BRWD3: variants seen among roughly 807,000 people sequenced by gnomAD.
BRWD3 encodes the protein bromodomain and WD repeat domain containing 3.
Under a neutral mutation model 149.7 loss-of-function variants are expected in BRWD3, and 10 were observed. The ratio of observed to expected loss-of-function variants is 0.07; its 90% CI spans 0.04 to 0.11. The LOEUF (loss-of-function observed/expected upper bound fraction) is 0.11. Among genes scored for constraint, BRWD3 ranks in the 10% least tolerant of loss-of-function variants. The pLI is 1.00. For synonymous variants in BRWD3, 504 were observed against 456.7 expected (o/e 1.10, Z -1.32); for missense variants, 940 against 1,373.2 (o/e 0.68, Z 4.99).
At chrX:80,804,538 C>CTGATA (rs1312247819) in intron 4 of BRWD3, among the ~76,000 whole-genome samples, 1 of 111,680 alleles carries the variant, frequency 9.0e-6, no homozygotes, top group East Asian at 2.8e-4. Flanking sequence ...ACACCAGGCC[C>CTGATA]TGGTTCAGTC....
chrX:80,770,381 C>T (rs1156521693), intron 6 of BRWD3, among the ~76,000 whole-genome samples: 1 of 111,765 alleles, frequency 8.9e-6, no homozygotes, highest in African/African-American at 3.3e-5. Flanking sequence ...AATCCAGCAG[C>T]ACTTCAAAAA....
chrX:80,713,434 A>G (rs746031646), intron 20 of BRWD3, among the ~76,000 whole-genome samples: 1,728 of 111,307 alleles, frequency 0.016, 18 homozygotes, highest in Non-Finnish European at 0.026. Context: ...GTCCACTCAG[A>G]GTTAAATGGA....
rs1225436146 is a variant in BRWD3, at chrX:80,761,731, G to GTC, written c.431-16004_431-16003dup. Among the ~76,000 whole-genome samples the GTC allele has an allele frequency of 2.7e-5, 3 of 111,375 alleles. No homozygotes were observed. In the East Asian group the frequency reaches 8.4e-4, roughly 31 times the overall value. ...AATTAGATTTCTTAGGTATTTAAGA[G>GTC]TCTTCCTTGTCTATTTGTCAATCTG... On this transcript the variant is annotated intron_variant, in intron 6 of 40. Coordinates refer to ENST00000373275, the MANE Select transcript of BRWD3 (RefSeq NM_153252.5).
chrX:80,789,384 T>C (rs1403278718), intron 6 of BRWD3, among the ~76,000 whole-genome samples: 2 of 111,255 alleles, frequency 1.8e-5, no homozygotes, highest in African/African-American at 6.6e-5. Context: ...ATTTTTTTTT[T>C]CTTTTTTTTG....
chrX:80,709,313 T>C, intron 21 of BRWD3, 115 bp downstream of exon 21: 1 of 556,419 alleles, frequency 1.8e-6, no homozygotes, highest in Non-Finnish European at 2.7e-6. Context: ...ACAAATCTCT[T>C]ATAAGAATAT....
chrX:80,752,568 T>A (rs1224532065), intron 6 of BRWD3, among the ~76,000 whole-genome samples: 1 of 112,289 alleles, frequency 8.9e-6, no homozygotes, highest in Non-Finnish European at 1.9e-5. Flanking sequence ...AATGTTTTTT[T>A]AAAATATATA....
chrX:80,787,714 T>G (rs1463403839), intron 6 of BRWD3, among the ~76,000 whole-genome samples: 1 of 111,896 alleles, frequency 8.9e-6, no homozygotes, highest in Non-Finnish European at 1.9e-5. Flanking sequence ...TAGGCAAAGA[T>G]TTATTCAAAC....
At chrX:80,716,352 T>C (rs994982256) in intron 19 of BRWD3, 102 bp from the exon 20 acceptor site, 1 of 670,962 alleles carries the variant, frequency 1.5e-6, no homozygotes, top group Non-Finnish European at 2.3e-6. Flanking sequence ...ATTTGCCACT[T>C]GAACTATTTT....
At chrX:80,687,710 C>T (rs2072550675) in intron 34 of BRWD3, among the ~76,000 whole-genome samples, 1 of 110,278 alleles carries the variant, frequency 9.1e-6, no homozygotes, top group South Asian at 3.9e-4. Context: ...AATCTTAGTA[C>T]GTGCTAGTCA....
chrX:80,690,572 T>G (rs778254001), intron 31 of BRWD3, among the ~76,000 whole-genome samples: 1 of 111,672 alleles, frequency 9.0e-6, no homozygotes, highest in Non-Finnish European at 1.9e-5. Flanking sequence ...AGTAGGAGAC[T>G]TGGATGACAG....
In BRWD3 at chrX:80,800,348, T is replaced by A. The variant is rs181106492; in HGVS notation, c.181-6576A>T. 2.9e-5 allele frequency among the ~76,000 whole-genome samples: 3 copies of A among 104,076 alleles called. No individual in the cohort carries two copies. In the East Asian group the frequency reaches 9.1e-4, roughly 31 times the overall value. 90.4% of individuals were successfully genotyped at this position (104,076 alleles called of 115,157 possible). On this transcript the variant is annotated intron_variant, in intron 4 of 40. Transcript: ENST00000373275. ...TGAGCCCAAGAAATCAAGACCAGCC[T>A]GGGCAAAAAAAAGTGAGATCCCATC...
intron 6 of BRWD3, among the ~76,000 whole-genome samples, chrX:80,776,008 A>T: frequency 8.9e-6 from 1 of 112,271 alleles, no homozygotes; most frequent in Non-Finnish European, 1.9e-5. Context: ...AAAAAATAGC[A>T]GAGGCTCAAT....
chrX:80,689,048 T>C (rs2072574849), intron 33 of BRWD3, among the ~76,000 whole-genome samples: 1 of 111,192 alleles, frequency 9.0e-6, no homozygotes, highest in African/African-American at 3.3e-5. Context: ...GTATAAATAA[T>C]ATAAACATGC....
At chrX:80,753,275 T>G (rs1255330568) in intron 6 of BRWD3, among the ~76,000 whole-genome samples, 1 of 106,163 alleles carries the variant, frequency 9.4e-6, no homozygotes, top group Non-Finnish European at 1.9e-5. Context: ...CTTTTCAGTT[T>G]TTTTTTTTTT....
intron 1 of BRWD3, 55 bp downstream of exon 1, chrX:80,809,386 C>A: frequency 8.9e-7 from 1 of 1,129,153 alleles, no homozygotes; most frequent in Non-Finnish European, 1.2e-6. Context: ...TGACAGCCTT[C>A]GCGCTAAGCC....
At chrX:80,772,181 C>G (rs755179715) in intron 6 of BRWD3, among the ~76,000 whole-genome samples, 10 of 111,717 alleles carry the variant, frequency 9.0e-5, no homozygotes, top group African/African-American at 3.3e-4. Flanking sequence ...ATGTTTATTG[C>G]GGCACTATTC....
At chrX:80,698,175 G>A (rs1334917342) in intron 25 of BRWD3, among the ~76,000 whole-genome samples, 1 of 111,467 alleles carries the variant, frequency 9.0e-6, no homozygotes, top group Non-Finnish European at 1.9e-5. Context: ...TTTGCTTGTT[G>A]ATTGAAGTTC....
At position 80,793,655 on chromosome X, in the gene BRWD3, C is replaced by T; in HGVS notation, c.298G>A (p.Val100Ile). 1 of 1,210,668 alleles carries T rather than the reference C, an allele frequency of 8.3e-7. No homozygotes were observed. The highest frequency in any genetic ancestry group is 1.1e-6 in the Non-Finnish European group (1 of 894,701). Residue 100 changes from valine (V) to isoleucine (I), a missense_variant, in exon 5 of 41, where the codon GTT becomes ATT. Val to Ile is a conservative substitution (Grantham distance 29). Coordinates refer to ENST00000373275, the MANE Select transcript of BRWD3 (RefSeq NM_153252.5). ...TCCCGTAGCAGAGACTGCCGACCAA[C>T]ACCTAATAATGTCTGTACCCCAGGA... Reference protein sequence around the residue: ...SVPGVQTLLGVGRQSLLRDAK... With the variant: ...SVPGVQTLLGIGRQSLLRDAK...
At chrX:80,728,493 C>A (rs1378025051) in intron 14 of BRWD3, among the ~76,000 whole-genome samples, 2 of 111,216 alleles carry the variant, frequency 1.8e-5, no homozygotes, top group Non-Finnish European at 3.8e-5. Context: ...CTTATATGTC[C>A]TCATTGTATA....
Sources: allele counts gnomAD v4.1 joint callset (sites outside exome capture counted in the v4.1 genomes callset), GRCh38; gene constraint gnomAD v4.1.1; transcripts MANE v1.5; gene names NCBI Gene and HGNC (gene_info 2026-07-23, HGNC 2026-07-21).